The following CACNA1A variants were observed in gnomAD, a reference collection of about 807,000 sequenced individuals.
CACNA1A encodes the protein calcium voltage-gated channel subunit alpha1 A.
A neutral mutation model predicts 262.4 loss-of-function variants in CACNA1A; 57 were observed. The observed-to-expected ratio is 0.22, with a 90% CI of 0.18 to 0.27. The LOEUF (loss-of-function observed/expected upper bound fraction) is 0.27, where lower values mean the gene tolerates loss of function less well. Ranked by LOEUF, CACNA1A falls within the 10% of genes least tolerant of loss-of-function variation. CACNA1A has a pLI of 1.00. For missense variants in CACNA1A, 2,526 were observed against 3,562.8 expected (o/e 0.71, Z 7.41); for synonymous variants, 1,431 against 1,419.3 (o/e 1.01, Z -0.18).
intron 31 of CACNA1A, chr19:13,243,524 C>T (rs1374802221): frequency 6.6e-6 from 1 of 151,662 alleles, no homozygotes; most frequent in Non-Finnish European, 1.5e-5. Flanking sequence ...GAGTGTCTCT[C>T]ACTTCCCCAG....
chr19:13,283,543 G>C (rs1041793493), intron 21 of CACNA1A, 147 bp from the exon 22 acceptor site: 2 of 1,029,198 alleles, frequency 1.9e-6, no homozygotes, highest in African/African-American at 3.2e-5. Context: ...TCCTCCAGGT[G>C]GGGGCCCTCT....
At chr19:13,304,029 T>C (rs1335259602) in intron 15 of CACNA1A, 145 bp from the exon 16 acceptor site, 5 of 635,490 alleles carry the variant, frequency 7.9e-6, no homozygotes, top group Non-Finnish European at 1.4e-5. Context: ...AGAGCCAGAC[T>C]CCGTGTTGGC....
chr19:13,325,161 CCTTCTT>C (rs1393178730), intron 10 of CACNA1A, among the ~76,000 whole-genome samples: 3 of 144,054 alleles, frequency 2.1e-5, no homozygotes, highest in African/African-American at 7.8e-5. Flanking sequence ...CTTCCTTCTT[CCTTCTT>C]CTTCTTTCCT....
chr19:13,221,206 A>C, intron 38 of CACNA1A, among the ~76,000 whole-genome samples: 1 of 39,156 alleles, frequency 2.6e-5, no homozygotes, highest in Non-Finnish European at 4.4e-5. Flanking sequence ...TTCTGGTCCC[A>C]TTTGTTTTTT....
chr19:13,259,450 G>C, intron 27 of CACNA1A, 114 bp downstream of exon 27: 1 of 938,296 alleles, frequency 1.1e-6, no homozygotes, highest in Non-Finnish European at 1.5e-6. Context: ...GGGATTACAG[G>C]CGTGAGCCAC....
chr19:13,460,383 C>A (rs868582894), intron 1 of CACNA1A, among the ~76,000 whole-genome samples: 5 of 152,300 alleles, frequency 3.3e-5, no homozygotes, highest in Middle Eastern at 3.4e-3. Context: ...CCTCCACGTT[C>A]TGACCCCAGG....
intron 22 of CACNA1A, among the ~76,000 whole-genome samples, chr19:13,281,529 G>T (rs893133948): frequency 1.3e-5 from 2 of 152,088 alleles, no homozygotes; most frequent in Non-Finnish European, 2.9e-5. Context: ...CCTCTAGAGT[G>T]GGGGCTGTCC....
chr19:13,221,226 C>CTTTCTTTCTTTCTTTCTT (rs2055208377), intron 38 of CACNA1A, among the ~76,000 whole-genome samples: 1 of 9,196 alleles, frequency 1.1e-4, no homozygotes, highest in Non-Finnish European at 1.8e-4. Context: ...TCTTTTCTTT[C>CTTTCTTTCTTTCTTTCTT]TTTCTTTCTT....
intron 3 of CACNA1A, among the ~76,000 whole-genome samples, chr19:13,423,378 G>A (rs1310591484): frequency 6.6e-6 from 1 of 152,242 alleles, no homozygotes; most frequent in African/African-American, 2.4e-5. Context: ...ACAAGTCACA[G>A]CACCCAGATC....
intron 31 of CACNA1A, among the ~76,000 whole-genome samples, chr19:13,243,210 T>C (rs1163701428): frequency 6.6e-6 from 1 of 152,058 alleles, no homozygotes; most frequent in African/African-American, 2.4e-5. Flanking sequence ...GGCACCCCAG[T>C]GGAGAGAGCC....
At chr19:13,312,221 A>G (rs2058048942) in intron 12 of CACNA1A, among the ~76,000 whole-genome samples, 1 of 152,248 alleles carries the variant, frequency 6.6e-6, no homozygotes, top group Non-Finnish European at 1.5e-5. Flanking sequence ...CAAAATAACA[A>G]AGGACCATAA....
At chr19:13,246,853 C>G (rs909727740) in intron 30 of CACNA1A, among the ~76,000 whole-genome samples, 1 of 152,168 alleles carries the variant, frequency 6.6e-6, no homozygotes, top group Non-Finnish European at 1.5e-5. Context: ...ATCTTGATCT[C>G]CTGACGTTGT....
chr19:13,297,732 G>A (rs575665229), intron 19 of CACNA1A, among the ~76,000 whole-genome samples: 1 of 152,232 alleles, frequency 6.6e-6, no homozygotes, highest in Non-Finnish European at 1.5e-5. Context: ...CGGATGGCTT[G>A]AGCCCGGGAG....
chr19:13,311,596 G>C (rs988402159), intron 12 of CACNA1A, among the ~76,000 whole-genome samples: 8 of 152,206 alleles, frequency 5.3e-5, no homozygotes, highest in Non-Finnish European at 1.2e-4. Context: ...CCAGCACTTT[G>C]GGAGGCCAAG....
At position 13,314,827 on chromosome 19, in the gene CACNA1A, A is replaced by G. The variant is rs143772946; in HGVS notation, c.1556-2046T>C. Among the ~76,000 whole-genome samples, 390 of 152,250 alleles carry G rather than the reference A, an allele frequency of 2.6e-3. 1 individual carries two copies. The highest frequency in any genetic ancestry group is 8.4e-3 in the African/African-American group (350 of 41,558). On this transcript the variant is annotated intron_variant, in intron 11 of 46. Coordinates refer to ENST00000360228, the MANE Select transcript of CACNA1A (RefSeq NM_001127222.2). ...ATCACCAAAATTTCTCCTTATTTAT[A>G]GGACGCTAAGGAGATCTTAGTGTCT...
At chr19:13,453,308 C>G (rs144598767) in intron 2 of CACNA1A, among the ~76,000 whole-genome samples, 2 of 152,320 alleles carry the variant, frequency 1.3e-5, no homozygotes, top group Admixed American at 6.5e-5. Context: ...ACGACAGTCA[C>G]AGGCCACATG....
intron 28 of CACNA1A, among the ~76,000 whole-genome samples, chr19:13,255,721 T>TTCTCTCCCTCCCTCCCTCCC (rs2056537455): frequency 5.8e-5 from 3 of 51,670 alleles, no homozygotes; most frequent in South Asian, 8.9e-4. Flanking sequence ...CCCTCCCTCC[T>TTCTCTCCCTCCCTCCCTCCC]TCTCTCCCTC....
At chr19:13,289,392 T>C (rs2057482601) in intron 19 of CACNA1A, among the ~76,000 whole-genome samples, 1 of 152,096 alleles carries the variant, frequency 6.6e-6, no homozygotes, top group East Asian at 1.9e-4. Context: ...AGCGACCCTC[T>C]TGCCTCAGCC....
In CACNA1A at chr19:13,214,874, G is replaced by T. The variant is rs2054940647; in HGVS notation, c.5732-266C>A. 4 of 485,656 alleles carry T rather than the reference G, an allele frequency of 8.2e-6. No homozygotes were observed. The East Asian group carries it at 9.8e-5, about 12-fold the overall frequency. 30.1% of individuals were successfully genotyped at this position (485,656 alleles called of 1,614,324 possible). A position where few individuals can be genotyped will look rare whatever the true frequency, so the allele number is the denominator to read the frequency against. ...GCATGGAGAACAGCTGGGCGACCTG[G>T]GTCCCAATCTTGTCTCCCAGTTATC... On this transcript the variant is annotated intron_variant, in intron 38 of 46. Coordinates refer to ENST00000360228, the MANE Select transcript of CACNA1A (RefSeq NM_001127222.2). The surrounding 1 kb of genome is among the most constrained non-coding windows in gnomAD (Gnocchi z 4.1).
Sources: gnomAD v4.1 joint callset for allele counts (sites outside exome capture counted in the v4.1 genomes callset) on GRCh38, gnomAD v4.1.1 for gene constraint, Gnocchi (gnomAD v3.1) non-coding constraint, MANE v1.5 for transcripts, NCBI Gene and HGNC (gene_info 2026-07-23, HGNC 2026-07-21) for gene names.